CT45A1: variants seen among roughly 807,000 people sequenced by gnomAD.
The protein encoded by CT45A1 is cancer/testis antigen 45-1.
chrX:135,717,059 T>C (rs782040485), intron 1 of CT45A1, among the ~76,000 whole-genome samples: 10 of 111,333 alleles, frequency 9.0e-5, no homozygotes, highest in Non-Finnish European at 1.7e-4. Flanking sequence ...TAGTTCTTTT[T>C]CTTTAAAAAA....
intron 1 of CT45A1, among the ~76,000 whole-genome samples, chrX:135,718,515 C>T: frequency 9.1e-6 from 1 of 109,386 alleles, no homozygotes; most frequent in South Asian, 3.8e-4. Context: ...ATATTAAATA[C>T]ATATTTTGCA....
chrX:135,718,269 C>A (rs1386925621), intron 1 of CT45A1, among the ~76,000 whole-genome samples: 4 of 111,019 alleles, frequency 3.6e-5, no homozygotes, highest in Non-Finnish European at 7.5e-5. Context: ...TGATGTATGT[C>A]CTTTTTAAGT....
intron 1 of CT45A1, among the ~76,000 whole-genome samples, chrX:135,718,214 A>T (rs782542585): frequency 5.2e-4 from 58 of 111,641 alleles, no homozygotes; most frequent in African/African-American, 1.8e-3. Flanking sequence ...TTTATCGATT[A>T]TCAAATGTTA....
At chrX:135,708,904 G>A (rs1556568848), upstream of CT45A1, among the ~76,000 whole-genome samples, 2 of 110,837 alleles carry the variant, frequency 1.8e-5, no homozygotes, top group Admixed American at 9.7e-5. Flanking sequence ...AAAGAATGGT[G>A]TTACATCTGG....
chrX:135,715,585 T>C (rs1291235732), intron 1 of CT45A1, among the ~76,000 whole-genome samples: 1 of 90,343 alleles, frequency 1.1e-5, no homozygotes, highest in Non-Finnish European at 2.1e-5. Context: ...ATAATACTTA[T>C]AGGTATATAA....
At chrX:135,709,567 G>A (rs1233187994), upstream of CT45A1, among the ~76,000 whole-genome samples, 1 of 112,479 alleles carries the variant, frequency 8.9e-6, no homozygotes, top group Non-Finnish European at 1.9e-5. Flanking sequence ...TGTGTCTGGC[G>A]AAAACTTCAC....
chrX:135,711,443 T>C (rs1275186927), upstream of CT45A1, among the ~76,000 whole-genome samples: 7 of 110,560 alleles, frequency 6.3e-5, no homozygotes, highest in African/African-American at 2.0e-4. Context: ...AATTTTAATT[T>C]ATTTATTTTA....
chrX:135,717,757 T>C (rs1443267648), intron 1 of CT45A1, among the ~76,000 whole-genome samples: 2 of 111,855 alleles, frequency 1.8e-5, no homozygotes, highest in Non-Finnish European at 3.8e-5. Context: ...CTATTAATTA[T>C]ACAGAAATGC....
upstream of CT45A1, among the ~76,000 whole-genome samples, chrX:135,709,789 T>A (rs112237074): frequency 1.8e-5 from 2 of 111,132 alleles, no homozygotes; most frequent in Non-Finnish European, 3.8e-5. Flanking sequence ...ACTATTTGGG[T>A]GATGGGTTCA....
At chrX:135,714,358 G>C (rs1410553189) in intron 1 of CT45A1, among the ~76,000 whole-genome samples, 1 of 109,534 alleles carries the variant, frequency 9.1e-6, no homozygotes, top group African/African-American at 3.3e-5. Flanking sequence ...CCGGTGCTGC[G>C]GGGGAATGGG....
At chrX:135,716,811 GGGA>G (rs1556571691) in intron 1 of CT45A1, among the ~76,000 whole-genome samples, 2 of 100,923 alleles carry the variant, frequency 2.0e-5, no homozygotes, top group African/African-American at 6.8e-5. Context: ...TTTGTGGAGT[GGGA>G]AGAAGTAAGA....
upstream of CT45A1, among the ~76,000 whole-genome samples, chrX:135,709,662 G>A (rs1556569064): frequency 9.0e-6 from 1 of 111,693 alleles, no homozygotes; most frequent in East Asian, 2.8e-4. Context: ...GCTAAACAAT[G>A]GGTACACATG....
intron 1 of CT45A1, among the ~76,000 whole-genome samples, chrX:135,717,446 G>A (rs1462668699): frequency 1.8e-5 from 2 of 110,595 alleles, no homozygotes; most frequent in Admixed American, 1.9e-4. Flanking sequence ...CTACTCGGGA[G>A]GCTGAGGCAG....
chrX:135,714,905 T>G (rs2087965833), intron 1 of CT45A1, among the ~76,000 whole-genome samples: 1 of 106,758 alleles, frequency 9.4e-6, no homozygotes. Flanking sequence ...ATGAAGTTCC[T>G]TTTCAGGTAT....
intron 1 of CT45A1, among the ~76,000 whole-genome samples, chrX:135,714,731 T>TA (rs1177930332): frequency 4.5e-5 from 5 of 110,902 alleles, no homozygotes; most frequent in Non-Finnish European, 7.6e-5. Flanking sequence ...AGCACCTTTT[T>TA]AAAAAAATTG....
chrX:135,713,922 C>T (rs1466165974), intron 1 of CT45A1, among the ~76,000 whole-genome samples: 5 of 99,820 alleles, frequency 5.0e-5, no homozygotes, highest in East Asian at 3.1e-4. Context: ...GTTGTGAGGC[C>T]GGGGGGCTTT....
intron 1 of CT45A1, among the ~76,000 whole-genome samples, chrX:135,715,614 A>G (rs1439544651): frequency 4.3e-5 from 4 of 94,051 alleles, no homozygotes; most frequent in African/African-American, 7.9e-5. Context: ...TATAATACTT[A>G]TATGTATATA....
intron 1 of CT45A1, among the ~76,000 whole-genome samples, chrX:135,715,353 C>CTTATATATATAATACTTAT (rs2087973770): frequency 1.5e-4 from 8 of 54,543 alleles, no homozygotes; most frequent in South Asian, 8.9e-4. Flanking sequence ...ATAATACTTA[C>CTTATATATATAATACTTAT]ATATAATACT....
At chrX:135,716,534 T>A (rs1286986601) in intron 1 of CT45A1, among the ~76,000 whole-genome samples, 2 of 111,621 alleles carry the variant, frequency 1.8e-5, no homozygotes, top group East Asian at 5.5e-4. Flanking sequence ...GATAAATATG[T>A]ATATATGTGT....
Sources: gnomAD v4.1 joint callset for allele counts (sites outside exome capture counted in the v4.1 genomes callset) on GRCh38, gnomAD v4.1.1 for gene constraint, MANE v1.5 for transcripts, NCBI Gene and HGNC (gene_info 2026-07-23, HGNC 2026-07-21) for gene names.